The following HMCN2 variants were observed in gnomAD, a reference collection of about 807,000 sequenced individuals.
The protein encoded by HMCN2 is hemicentin-2.
HMCN2 carries 325 observed loss-of-function variants against 377.5 expected under a neutral mutation model. That is an observed-to-expected ratio of 0.86 (90% CI 0.79 to 0.94). The LOEUF is 0.94. Among genes scored for constraint, HMCN2 ranks in the 40% least tolerant of loss-of-function variants. The pLI, the probability that HMCN2 is intolerant of heterozygous loss-of-function variation, is 0.00. For missense variants in HMCN2, 4,543 were observed against 4,725.3 expected (o/e 0.96, Z 1.13); for synonymous variants, 2,007 against 2,046.8 (o/e 0.98, Z 0.53).
In HMCN2 at chr9:130,399,524, A is replaced by G. The variant is rs1842764773; in HGVS notation, c.11497A>G (p.Asn3833Asp). The G allele has an allele frequency of 3.1e-6, 4 of 1,287,906 alleles. No homozygotes were observed. The highest frequency in any genetic ancestry group is 4.1e-6 in the Non-Finnish European group (4 of 987,550). The allele number at this position is 1,287,906 out of a possible 1,614,324, so 79.8% of individuals were successfully genotyped here. The change falls in exon 76 of 98, where the codon AAC becomes GAC. Residue 3833 changes from asparagine (N) to aspartate (D), a missense_variant. Transcript: ENST00000683500. ...QQGAYRLLPSNALLLTAPGPQ... is the reference protein window; with the variant it reads ...QQGAYRLLPSDALLLTAPGPQ... ...TGTCCACCCCAGGCTCCTGCCCTCC[A>G]ACGCCCTGCTCCTCACGGCCCCCGG...
intron 31 of HMCN2, among the ~76,000 whole-genome samples, chr9:130,353,779 G>C (rs570802031): frequency 3.3e-5 from 5 of 152,186 alleles, no homozygotes; most frequent in African/African-American, 1.2e-4. Context: ...GCCCTGAGGG[G>C]CTTGGCTCTG....
Position 130,327,841 on chromosome 9 carries a change from C to T in HMCN2, c.3359+366C>T, listed in dbSNP as rs1014113630. Among the ~76,000 whole-genome samples, 62 of 152,328 alleles carry T rather than the reference C, an allele frequency of 4.1e-4. 1 individual carries two copies. The highest frequency in any genetic ancestry group is 1.0e-3 in the African/African-American group (43 of 41,584). ...AAGAGCAAAGCCAGGGCTGGGACCA[C>T]GTCCCCGCCACGACACACACCACCC... On this transcript the variant is annotated intron_variant, in intron 22 of 97. Coordinates refer to ENST00000683500, the MANE Select transcript of HMCN2 (RefSeq NM_001291815.2).
rs866837160 is a variant in HMCN2 at position 130,429,686 on chromosome 9, G to A, written c.14326+1G>A. The stretch of plus-strand genomic sequence containing the variant: ...CAGGGCCCCAGCCTGCCCTGCCTAG[G>A]TACGGGGACACCCACCCTCTGGCCA... On this transcript the variant is annotated splice_donor_variant, in intron 94 of 97. Transcript: ENST00000683500. LOFTEE classifies it high-confidence loss of function. 1 of 1,501,290 alleles carries A rather than the reference G, an allele frequency of 6.7e-7. No individual in the cohort carries two copies. Among genetic ancestry groups the A allele is most frequent in the African/African-American group, 1.4e-5 (1 of 70,172 alleles). 93.0% of individuals were successfully genotyped at this position (1,501,290 alleles called of 1,614,324 possible).
intron 31 of HMCN2, among the ~76,000 whole-genome samples, chr9:130,354,019 G>GC (rs1467548271): frequency 2.0e-5 from 3 of 152,144 alleles, no homozygotes; most frequent in African/African-American, 7.2e-5. Context: ...TCTGAAGATG[G>GC]CCCCGCCGCT....
rs945692814 is a variant in HMCN2 at position 130,421,224 on chromosome 9, C to T, written c.13232-1353C>T. On this transcript the variant is annotated intron_variant, in intron 86 of 97. Transcript: ENST00000683500. Reference sequence around the variant, plus strand: ...TTGGCTTCGTATCATTCCATGGGAACGTTTTTTATCTTCGTTCGTGTTGGC... The same window carrying T: ...TTGGCTTCGTATCATTCCATGGGAATGTTTTTTATCTTCGTTCGTGTTGGC... Among the ~76,000 whole-genome samples the T allele has an allele frequency of 4.6e-5, 7 of 152,260 alleles. 1 individual carries two copies. Among genetic ancestry groups the T allele is most frequent in the South Asian group, 2.1e-4 (1 of 4,820 alleles).
rs962501376 is a variant in HMCN2, at chr9:130,361,969, G to A, written c.5951-39G>A. 9.1e-6 allele frequency: 9 copies of A among 985,558 alleles called. No individual in the cohort carries two copies. The Admixed American group carries it at 3.1e-4, about 34-fold the overall frequency. 61.1% of individuals were successfully genotyped at this position (985,558 alleles called of 1,614,324 possible). The stretch of plus-strand genomic sequence containing the variant: ...GGGGCCCTGCCTGCTTTGCCCCAGT[G>A]GGGCTCAGCCTGTACCCCATGTCAC... On this transcript the variant is annotated intron_variant, in intron 38 of 97. Coordinates refer to ENST00000683500, the MANE Select transcript of HMCN2 (RefSeq NM_001291815.2). This position sits in a 1 kb window ranked among gnomAD's most constrained non-coding sequence, Gnocchi z 4.8.
At position 130,379,050 on chromosome 9, in the gene HMCN2, C is replaced by A. The variant is rs577814166; in HGVS notation, c.8213-199C>A. On this transcript the variant is annotated intron_variant, in intron 53 of 97. Transcript: ENST00000683500. Reference sequence around the variant, plus strand: ...GAGCTGCTTAGGGAATGAGCCTTATCCTAGTGCCCAGCACATACTAGTTGC... The same window carrying A: ...GAGCTGCTTAGGGAATGAGCCTTATACTAGTGCCCAGCACATACTAGTTGC... Among the ~76,000 whole-genome samples, 33 of 152,268 alleles carry A rather than the reference C, an allele frequency of 2.2e-4. 2 individuals carry two copies. Among genetic ancestry groups the A allele is most frequent in the Middle Eastern group, 6.8e-3 (2 of 294 alleles).
intron 86 of HMCN2, among the ~76,000 whole-genome samples, chr9:130,419,754 A>G (rs1185194423): frequency 6.6e-6 from 1 of 152,086 alleles, no homozygotes; most frequent in African/African-American, 2.4e-5. Context: ...CCTGGCAGAC[A>G]TCACTAATCT....
chr9:130,400,902 G>A lies in HMCN2; in HGVS notation c.11725G>A (p.Ala3909Thr), dbSNP rs979077653. 5.4e-6 allele frequency: 7 copies of A among 1,289,292 alleles called. No individual in the cohort carries two copies. In the South Asian group the frequency reaches 6.2e-5, roughly 11 times the overall value. The allele number at this position is 1,289,292 out of a possible 1,614,324, so 79.9% of individuals were successfully genotyped here. A position where few individuals can be genotyped will look rare whatever the true frequency, so the allele number is the denominator to read the frequency against. Residue 3909 changes from alanine (A) to threonine (T), a missense_variant, in exon 77 of 98, where the codon GCC becomes ACC. By Grantham distance (58) the Ala-to-Thr change is moderately conservative. This residue lies in a region of HMCN2 where 1,073 missense variants were observed against 1,319.5 expected (regional missense o/e 0.81). Transcript: ENST00000683500. Reference protein sequence around the residue: ...APTVSWSKAGAQLGARGSGYR... With the variant: ...APTVSWSKAGTQLGARGSGYR... ...GACCGTGTCCTGGAGCAAGGCAGGC[G>A]CCCAGCTAGGAGCTCGGGGGAGTGG...
intron 35 of HMCN2, among the ~76,000 whole-genome samples, 164 bp downstream of exon 35, chr9:130,358,152 A>G (rs917517306): frequency 6.6e-6 from 1 of 152,184 alleles, no homozygotes; most frequent in Non-Finnish European, 1.5e-5. Flanking sequence ...TCCGGGTCCT[A>G]GGAGCTTCAG....
At chr9:130,401,561 GATCTGCCC>G (rs1407844413) in intron 77 of HMCN2, among the ~76,000 whole-genome samples, 2 of 152,250 alleles carry the variant, frequency 1.3e-5, no homozygotes, top group African/African-American at 4.8e-5. Flanking sequence ...GACCTCAGGT[GATCTGCCC>G]TTCTCAGCCT....
intron 76 of HMCN2, chr9:130,400,468 C>T (rs1842811712): frequency 5.7e-6 from 1 of 176,502 alleles, no homozygotes; most frequent in Non-Finnish European, 1.2e-5. Flanking sequence ...AGGTCAGAAA[C>T]AGAGCAGATC....
chr9:130,409,897 C>T (rs574321185), intron 84 of HMCN2, among the ~76,000 whole-genome samples: 4 of 152,266 alleles, frequency 2.6e-5, no homozygotes, highest in South Asian at 2.1e-4. Flanking sequence ...TGGGAGTGGA[C>T]GTGGCCTCAG....
At chr9:130,296,378 G>A (rs1428596796) in intron 6 of HMCN2, among the ~76,000 whole-genome samples, 1 of 152,230 alleles carries the variant, frequency 6.6e-6, no homozygotes, top group African/African-American at 2.4e-5. Context: ...GGAGGGCAAG[G>A]CAGGGAGTTA....
intron 82 of HMCN2, 151 bp downstream of exon 82, chr9:130,406,319 G>C (rs1564864334): frequency 5.3e-6 from 3 of 571,104 alleles, no homozygotes; most frequent in Non-Finnish European, 8.5e-6. Flanking sequence ...CCCTATGTAG[G>C]GGGACAGGGC....
chr9:130,354,245 T>G (rs1839898775), intron 31 of HMCN2, among the ~76,000 whole-genome samples: 1 of 152,138 alleles, frequency 6.6e-6, no homozygotes, highest in Non-Finnish European at 1.5e-5. Flanking sequence ...ATTTCCCCTT[T>G]GGCGTGGCCA....
At chr9:130,291,479 G>A (rs1214342905) in intron 4 of HMCN2, among the ~76,000 whole-genome samples, 1 of 152,032 alleles carries the variant, frequency 6.6e-6, no homozygotes, top group African/African-American at 2.4e-5. Context: ...CAAAGTGCTG[G>A]GATTATAGGC....
chr9:130,414,036 G>C lies in HMCN2; in HGVS notation c.12961+3384G>C, dbSNP rs1339478650. On this transcript the variant is annotated intron_variant, in intron 85 of 97. Transcript: ENST00000683500. This position sits in a 1 kb window ranked among gnomAD's most constrained non-coding sequence, Gnocchi z 4.4. ...TAGCTGGGCATGGTGGCGCACACCT[G>C]TAATCCCAGCTACTTGGGAGGCAAA... Among the ~76,000 whole-genome samples, 1 of 149,598 alleles carries C rather than the reference G, an allele frequency of 6.7e-6. No homozygotes were observed. The highest frequency in any genetic ancestry group is 1.5e-5 in the Non-Finnish European group (1 of 67,762).
At chr9:130,390,898 G>A (rs996279457) in intron 62 of HMCN2, 79 bp from the exon 63 acceptor site, 22 of 932,670 alleles carry the variant, frequency 2.4e-5, no homozygotes, top group South Asian at 4.9e-5. Flanking sequence ...ATAAGAAGGC[G>A]CCTCTGCCTC....
Sources: allele counts gnomAD v4.1 joint callset (sites outside exome capture counted in the v4.1 genomes callset), GRCh38; gene constraint gnomAD v4.1.1; regional missense constraint gnomAD v4.1.1; non-coding constraint Gnocchi (gnomAD v3.1); transcripts MANE v1.5; gene names NCBI Gene and HGNC (gene_info 2026-07-23, HGNC 2026-07-21).